The following TP53I13 variants were observed in gnomAD, a reference collection of about 807,000 sequenced individuals.
TP53I13 encodes the protein tumor protein p53 inducible protein 13.
Under a neutral mutation model 39.1 loss-of-function variants are expected in TP53I13, and 27 were observed. The observed-to-expected ratio is 0.69, with a 90% CI of 0.51 to 0.95. The LOEUF (loss-of-function observed/expected upper bound fraction) is 0.95. TP53I13 is among the 40% of genes least tolerant of loss of function. TP53I13 has a pLI of 0.00. For missense variants in TP53I13, 544 were observed against 520.4 expected, an observed-to-expected ratio of 1.05 and a Z score of -0.44; for synonymous variants, 230 against 224.6, an observed-to-expected ratio of 1.02 and a Z score of -0.22.
upstream of TP53I13, chr17:29,568,190 TG>T (rs1455567959): frequency 1.3e-5 from 2 of 151,792 alleles, no homozygotes; most frequent in Non-Finnish European, 2.9e-5. The surrounding 1 kb of genome is among the most constrained non-coding windows in gnomAD (Gnocchi z 4.5). Context: ...GGGAGCGGGG[TG>T]GGCCGACGGC....
At position 29,568,806 on chromosome 17, in the gene TP53I13, C is replaced by T. The variant is rs202018922; in HGVS notation, c.48C>T (p.Leu16=). The T allele has an allele frequency of 1.3e-6, 2 of 1,598,922 alleles. No individual in the cohort carries two copies. Among genetic ancestry groups the T allele is most frequent in the Admixed American group, 3.3e-5 (2 of 59,964 alleles). The stretch of plus-strand genomic sequence containing the variant: ...CCCAACTGCTTCTCCTGGCAGCCCT[C>T]GCGAGGCTCCTGGGTCCCAGCGAGG... ...PSPQLLLLAA[L]ARLLGPSEVM... Residue 16 remains leucine (L), a synonymous_variant, in exon 1 of 7, where the codon CTC becomes CTT. Coordinates refer to ENST00000301057, the MANE Select transcript of TP53I13 (RefSeq NM_138349.4). This position sits in a 1 kb window ranked among gnomAD's most constrained non-coding sequence, Gnocchi z 4.5.
At chr17:29,576,111 G>T (rs771817258), downstream of TP53I13, 1 of 1,613,684 alleles carries the variant, frequency 6.2e-7, no homozygotes, top group South Asian at 1.1e-5. Context: ...GCACTGAATA[G>T]ATGGCGTCGT....
At chr17:29,576,756 C>T, downstream of TP53I13, 1 of 1,588,258 alleles carries the variant, frequency 6.3e-7, no homozygotes, top group Non-Finnish European at 8.6e-7. Context: ...AGGCTAGGAG[C>T]AGCCCACCTG....
downstream of TP53I13, chr17:29,576,288 C>A: frequency 6.2e-7 from 1 of 1,612,528 alleles, no homozygotes; most frequent in Non-Finnish European, 8.5e-7. Flanking sequence ...GGCTTCAGGG[C>A]AGAGCCAGGT....
At chr17:29,570,050 G>A (rs1229949576) in intron 3 of TP53I13, 1 of 151,824 alleles carries the variant, frequency 6.6e-6, no homozygotes, top group African/African-American at 2.4e-5. Flanking sequence ...TGGGATTACA[G>A]GCGTGTGCCA....
the TP53I13 span, chr17:29,581,718 AGGC>A: frequency 6.3e-7 from 1 of 1,587,272 alleles, no homozygotes; most frequent in Non-Finnish European, 8.6e-7. The surrounding 1 kb of genome is among the most constrained non-coding windows in gnomAD (Gnocchi z 4.8). Flanking sequence ...TGTCACAGCC[AGGC>A]GCCCCCCAAG....
At chr17:29,575,148 G>T, downstream of TP53I13, 3 of 1,593,686 alleles carry the variant, frequency 1.9e-6, no homozygotes, top group Non-Finnish European at 2.6e-6. The surrounding 1 kb of genome is among the most constrained non-coding windows in gnomAD (Gnocchi z 5.5). Flanking sequence ...CGAAGCTGCG[G>T]GGAGAAGGGA....
At chr17:29,576,472 A>G (rs1567769564), downstream of TP53I13, 2 of 1,612,826 alleles carry the variant, frequency 1.2e-6, no homozygotes, top group East Asian at 2.2e-5. Flanking sequence ...AAGTGCTGTC[A>G]ACCCCCTGGA....
the TP53I13 span, chr17:29,582,270 T>C: frequency 1.5e-6 from 1 of 678,550 alleles, no homozygotes; most frequent in Admixed American, 2.3e-5. Flanking sequence ...AACCAGACTA[T>C]GTCGGGAGGA....
At chr17:29,581,315 AG>A in the TP53I13 span, 7 of 1,593,850 alleles carry the variant, frequency 4.4e-6, no homozygotes, top group Non-Finnish European at 6.0e-6. This position sits in a 1 kb window ranked among gnomAD's most constrained non-coding sequence, Gnocchi z 4.8. Context: ...GCCTCTGGAA[AG>A]GGGCATCAGG....
At chr17:29,574,626 G>A (rs1329245326), downstream of TP53I13, 1 of 1,197,202 alleles carries the variant, frequency 8.4e-7, no homozygotes, top group Non-Finnish European at 1.2e-6. Flanking sequence ...GTTGGGGTGG[G>A]GATTAATGTC....
At chr17:29,566,588 G>A (rs2032717776), upstream of TP53I13, 2 of 1,608,278 alleles carry the variant, frequency 1.2e-6, no homozygotes. Flanking sequence ...GCCAACTGCA[G>A]GTACTCCCGG....
At chr17:29,566,920 G>A (rs2032731475), upstream of TP53I13, 2 of 1,483,552 alleles carry the variant, frequency 1.3e-6, no homozygotes, top group Non-Finnish European at 1.8e-6. Flanking sequence ...GCCGAGAAGG[G>A]CGAGCACGGC....
At chr17:29,581,772 G>A in the TP53I13 span, 6 of 1,611,916 alleles carry the variant, frequency 3.7e-6, no homozygotes, top group Non-Finnish European at 4.2e-6. This position sits in a 1 kb window ranked among gnomAD's most constrained non-coding sequence, Gnocchi z 4.8. Flanking sequence ...TAGAAGGCCA[G>A]CCGGTCAGTG....
downstream of TP53I13, chr17:29,577,143 G>A (rs1186534075): frequency 6.2e-7 from 1 of 1,613,294 alleles, no homozygotes. Context: ...CACCTGTGGG[G>A]CTGCTCAGGC....
chr17:29,569,019 T>TG lies in TP53I13; in HGVS notation c.75dup (p.Met26AspfsTer38), dbSNP rs1432440962. 1 of 1,609,308 alleles carries TG rather than the reference T, an allele frequency of 6.2e-7. No homozygotes were observed. Among genetic ancestry groups the TG allele is most frequent in the South Asian group, 1.1e-5 (1 of 90,326 alleles). On this transcript the variant is annotated frameshift_variant and splice_region_variant, in exon 2 of 7. Transcript: ENST00000301057. LOFTEE classifies it high-confidence loss of function. ...CAACTCTTCGCTTTGGACCCACAGG[T>TG]GATGGCTGGACCGGCGGAGGAGGCG...
chr17:29,574,942 CT>C, downstream of TP53I13: 1 of 1,534,046 alleles, frequency 6.5e-7, no homozygotes, highest in Admixed American at 2.0e-5. Context: ...GAGGCTGGAC[CT>C]TGGACTTTAA....
At chr17:29,578,845 C>A in the TP53I13 span, 1 of 1,565,836 alleles carries the variant, frequency 6.4e-7, no homozygotes, top group Non-Finnish European at 8.8e-7. Flanking sequence ...AGGCCCATGC[C>A]AGCAACCTCC....
At chr17:29,574,811 G>A (rs769301186), downstream of TP53I13, 2 of 1,611,868 alleles carry the variant, frequency 1.2e-6, no homozygotes, top group East Asian at 4.5e-5. Context: ...GTCCACTGGG[G>A]CGCCGGGCTC....
Sources: allele counts gnomAD v4.1 joint callset, GRCh38; gene constraint gnomAD v4.1.1; non-coding constraint Gnocchi (gnomAD v3.1); transcripts MANE v1.5; gene names NCBI Gene and HGNC (gene_info 2026-07-23, HGNC 2026-07-21).